EMP2: variants seen among roughly 807,000 people sequenced by gnomAD.
The protein encoded by EMP2 is epithelial membrane protein 2.
In EMP2, 19 loss-of-function variants were observed where a neutral mutation model predicts 13.7. The ratio of observed to expected loss-of-function variants is 1.38; its 90% confidence interval spans 0.97 to 2.03. The LOEUF (loss-of-function observed/expected upper bound fraction) is 2.03. Ranked by LOEUF, EMP2 falls within the 30% of genes most tolerant of loss-of-function variation. EMP2 has a pLI of 0.00. For synonymous variants in EMP2, 97 were observed against 84.7 expected (o/e 1.15, Z -0.80); for missense variants, 253 against 220.7 (o/e 1.15, Z -0.93).
intron 1 of EMP2, among the ~76,000 whole-genome samples, chr16:10,564,757 G>A (rs1190499068): frequency 6.6e-6 from 1 of 152,100 alleles, no homozygotes; most frequent in East Asian, 1.9e-4. Flanking sequence ...CAGCCTCCAG[G>A]AGGGAAGGAA....
intron 4 of EMP2, among the ~76,000 whole-genome samples, chr16:10,536,285 G>A (rs1446446775): frequency 1.3e-5 from 2 of 152,086 alleles, no homozygotes; most frequent in Non-Finnish European, 1.5e-5. Context: ...TTTCAAGGAA[G>A]AGTCTCACTG....
chr16:10,535,580 C>T (rs1388238988), intron 4 of EMP2, among the ~76,000 whole-genome samples: 2 of 152,108 alleles, frequency 1.3e-5, no homozygotes, highest in Non-Finnish European at 2.9e-5. Context: ...CATAATGGCA[C>T]ATGTCTGTAG....
Position 10,564,542 on chromosome 16 carries a change from GT to G in EMP2, c.-61+16006del, listed in dbSNP as rs541913709. ...TTCTGCCCTGTCCCTATTTTAGCTA[GT>G]TTGGTGGTCTGATATGTGGGCCCTA... is the stretch of plus-strand genomic sequence containing the variant. On this transcript the variant is annotated intron_variant, in intron 1 of 4. Coordinates refer to ENST00000359543, the MANE Select transcript of EMP2 (RefSeq NM_001424.6). Among the ~76,000 whole-genome samples, 33 of 149,360 alleles carry G rather than the reference GT, an allele frequency of 2.2e-4. 2 individuals carry two copies. In the South Asian group the frequency reaches 6.8e-3, roughly 31 times the overall value.
intron 4 of EMP2, 59 bp downstream of exon 4, chr16:10,537,869 G>A: frequency 1.3e-6 from 2 of 1,592,384 alleles, no homozygotes; most frequent in East Asian, 2.2e-5. Flanking sequence ...CCTGGCGGCT[G>A]GGAAGGGAGT....
intron 1 of EMP2, among the ~76,000 whole-genome samples, chr16:10,549,124 G>C (rs569568109): frequency 6.6e-5 from 10 of 152,228 alleles, no homozygotes; most frequent in Non-Finnish European, 1.2e-4. Context: ...ACCTTGGACA[G>C]ATATTATGAT....
At chr16:10,564,350 G>A (rs975574256) in intron 1 of EMP2, among the ~76,000 whole-genome samples, 1 of 152,030 alleles carries the variant, frequency 6.6e-6, no homozygotes. Context: ...AATTAGCTGG[G>A]TGTGGTGGCA....
Position 10,538,012 on chromosome 16 carries a change from C to G in EMP2, c.232G>C (p.Ala78Pro). 9.3e-6 allele frequency: 15 copies of G among 1,614,100 alleles called. No individual in the cohort carries two copies. The highest frequency in any genetic ancestry group is 1.2e-5 in the Non-Finnish European group (14 of 1,180,026). The change falls in exon 4 of 5, where the codon GCC becomes CCC. Residue 78 changes from alanine (A) to proline (P), a missense_variant. By Grantham distance (27) the Ala-to-Pro change is conservative (BLOSUM62 -1). Transcript: ENST00000359543. Reference sequence around the variant, plus strand: ...AGCTGGAGCACGAAGATGAAGAAGGCGATGCAGCAGAGAATGGTGGAGAGG... The same window carrying G: ...AGCTGGAGCACGAAGATGAAGAAGGGGATGCAGCAGAGAATGGTGGAGAGG... ...MILSTILCCI[A>P]FFIFVLQLFR...
chr16:10,553,602 C>T (rs2050805469), intron 1 of EMP2, among the ~76,000 whole-genome samples: 1 of 152,052 alleles, frequency 6.6e-6, no homozygotes, highest in African/African-American at 2.4e-5. Context: ...CCAGCAAGCT[C>T]CTTTGGCCAC....
chr16:10,536,614 T>G (rs1037022661), intron 4 of EMP2, among the ~76,000 whole-genome samples: 4 of 152,170 alleles, frequency 2.6e-5, no homozygotes, highest in Non-Finnish European at 5.9e-5. Context: ...CCTCTTTCCT[T>G]TACAAATTAC....
intron 1 of EMP2, among the ~76,000 whole-genome samples, chr16:10,571,445 C>A (rs1397855176): frequency 6.6e-6 from 1 of 152,038 alleles, no homozygotes; most frequent in Non-Finnish European, 1.5e-5. Flanking sequence ...ATTCTGATAT[C>A]ATTACTTTCA....
At chr16:10,561,036 C>T (rs181244501) in intron 1 of EMP2, among the ~76,000 whole-genome samples, 165 of 152,184 alleles carry the variant, frequency 1.1e-3, no homozygotes, top group Admixed American at 4.1e-3. Context: ...AGGAGGCAAA[C>T]GTGGGGAAGC....
chr16:10,575,375 TC>T (rs1474273622), intron 1 of EMP2, among the ~76,000 whole-genome samples: 1 of 147,916 alleles, frequency 6.8e-6, no homozygotes, highest in Non-Finnish European at 1.5e-5. Flanking sequence ...TGCCTCAGCC[TC>T]CCAAGTAGCT....
chr16:10,577,015 G>C (rs1170558457), intron 1 of EMP2, among the ~76,000 whole-genome samples: 1 of 152,146 alleles, frequency 6.6e-6, no homozygotes, highest in Non-Finnish European at 1.5e-5. Context: ...CAGCCTCCTG[G>C]ACAGATGACA....
At chr16:10,558,510 A>T (rs1196277608) in intron 1 of EMP2, among the ~76,000 whole-genome samples, 1 of 150,384 alleles carries the variant, frequency 6.6e-6, no homozygotes, top group East Asian at 2.0e-4. Flanking sequence ...TGTGTGTCGC[A>T]CGTCTAGCTC....
At chr16:10,540,116 C>T (rs992043610) in intron 3 of EMP2, among the ~76,000 whole-genome samples, 3 of 152,194 alleles carry the variant, frequency 2.0e-5, no homozygotes, top group African/African-American at 7.2e-5. Context: ...ATGTGCCTGC[C>T]AGGCAGCCCC....
intron 1 of EMP2, among the ~76,000 whole-genome samples, chr16:10,555,177 C>T (rs2050818213): frequency 6.6e-6 from 1 of 152,200 alleles, no homozygotes; most frequent in Non-Finnish European, 1.5e-5. Flanking sequence ...GGTCTCCTGG[C>T]TACTCCTCCA....
intron 1 of EMP2, among the ~76,000 whole-genome samples, chr16:10,565,049 C>T (rs1447437555): frequency 6.6e-6 from 1 of 152,146 alleles, no homozygotes; most frequent in Non-Finnish European, 1.5e-5. Flanking sequence ...GCTCCAAGTC[C>T]AAGACTGGGT....
At chr16:10,555,416 T>C (rs2050819986) in intron 1 of EMP2, among the ~76,000 whole-genome samples, 1 of 152,198 alleles carries the variant, frequency 6.6e-6, no homozygotes, top group South Asian at 2.1e-4. Context: ...AGATGAAGTG[T>C]TCAAGTTTCT....
rs1047438443 is a variant in EMP2, at chr16:10,533,015, G to A, written c.394C>T (p.Pro132Ser). Residue 132 changes from proline to serine, a missense_variant, in exon 5 of 5, where the codon CCC (proline) becomes TCC (serine). Transcript: ENST00000359543. ...CCGTAGCTGCCTTCTCTGGTCACGGGATAGAATTTCGCGTTTTTGTCGTGA... is the reference window on the plus strand; with the variant it reads ...CCGTAGCTGCCTTCTCTGGTCACGGAATAGAATTTCGCGTTTTTGTCGTGA... ...DIHDKNAKFY[P>S]VTREGSYGYS... 2 of 1,611,566 alleles carry A rather than the reference G, an allele frequency of 1.2e-6. No individual in the cohort carries two copies. Among genetic ancestry groups the A allele is most frequent in the Non-Finnish European group, 1.7e-6 (2 of 1,178,984 alleles).
Sources: allele counts gnomAD v4.1 joint callset (sites outside exome capture counted in the v4.1 genomes callset), GRCh38; gene constraint gnomAD v4.1.1; transcripts MANE v1.5; gene names NCBI Gene and HGNC (gene_info 2026-07-23, HGNC 2026-07-21).